ATP11A: variants seen among roughly 807,000 people sequenced by gnomAD.
ATP11A encodes the protein ATPase phospholipid transporting 11A, also known as phospholipid-transporting ATPase IH.
Under a neutral mutation model 154.4 loss-of-function variants are expected in ATP11A, and 81 were observed. The ratio of observed to expected loss-of-function variants is 0.52; its 90% CI spans 0.44 to 0.63. ATP11A has a LOEUF of 0.63. Among genes scored for constraint, ATP11A ranks in the 30% least tolerant of loss-of-function variants. The probability of loss-of-function intolerance (pLI) is 0.00; values close to 1 mark genes in which losing one functional copy is unlikely to be tolerated. For missense variants in ATP11A, 1,316 were observed against 1,474.3 expected (o/e 0.89, Z 1.76); for synonymous variants, 623 against 585.9 (o/e 1.06, Z -0.91).
intron 1 of ATP11A, among the ~76,000 whole-genome samples, chr13:112,773,443 C>T (rs191760043): frequency 8.3e-4 from 127 of 152,344 alleles, no homozygotes; most frequent in African/African-American, 2.7e-3. Context: ...CTTGCTTTCC[C>T]GAGCTGTACG....
intron 29 of ATP11A, 100 bp from the exon 30 acceptor site, chr13:112,881,776 G>T: frequency 7.4e-7 from 1 of 1,358,458 alleles, no homozygotes; most frequent in Non-Finnish European, 9.8e-7. Context: ...AGCCCCGTGG[G>T]TATCCCTGAG....
chr13:112,739,668 C>T (rs894361007), intron 1 of ATP11A, among the ~76,000 whole-genome samples: 1 of 152,270 alleles, frequency 6.6e-6, no homozygotes, highest in Non-Finnish European at 1.5e-5. Flanking sequence ...AACTTTCACA[C>T]AGATGTTCTT....
chr13:112,749,050 C>G (rs2076626784), intron 1 of ATP11A, among the ~76,000 whole-genome samples: 1 of 152,234 alleles, frequency 6.6e-6, no homozygotes, highest in Non-Finnish European at 1.5e-5. Context: ...GCTGGAGTGA[C>G]CTACAGAGCC....
chr13:112,812,340 C>CT (rs1406963501), intron 5 of ATP11A, among the ~76,000 whole-genome samples: 3 of 152,218 alleles, frequency 2.0e-5, no homozygotes, highest in African/African-American at 7.2e-5. Context: ...CTCGTGCACC[C>CT]TGCCTGGCTC....
At chr13:112,724,473 C>T (rs919659111) in intron 1 of ATP11A, among the ~76,000 whole-genome samples, 1 of 145,552 alleles carries the variant, frequency 6.9e-6, no homozygotes, top group African/African-American at 2.8e-5. Context: ...GCCCCCTGTC[C>T]CCGTGGAGCT....
In ATP11A at chr13:112,882,133, G is replaced by C; in HGVS notation, c.*267G>C. 2 of 1,327,490 alleles carry C rather than the reference G, an allele frequency of 1.5e-6. No homozygotes were observed. Among genetic ancestry groups the C allele is most frequent in the Non-Finnish European group, 2.0e-6 (2 of 1,002,696 alleles). The allele number at this position is 1,327,490 out of a possible 1,614,324, so 82.2% of individuals were successfully genotyped here. On this transcript the variant is annotated 3_prime_UTR_variant, in exon 30 of 30. Transcript: ENST00000375645. This position sits in a 1 kb window ranked among gnomAD's most constrained non-coding sequence, Gnocchi z 5.1. ...TGGCCCCCAGCAGGCAAGGAGGGGGGTCACAGGCCTTGCCCTCGAGCATGG... is the reference window on the plus strand; with the variant it reads ...TGGCCCCCAGCAGGCAAGGAGGGGGCTCACAGGCCTTGCCCTCGAGCATGG...
chr13:112,714,384 T>C (rs934717328), intron 1 of ATP11A, among the ~76,000 whole-genome samples: 4 of 152,140 alleles, frequency 2.6e-5, no homozygotes, highest in Non-Finnish European at 4.4e-5. Flanking sequence ...GGGAAATGTT[T>C]ACGGTGACTT....
At chr13:112,805,178 A>AT (rs2078287180) in intron 3 of ATP11A, 132 bp downstream of exon 3, 3 of 611,914 alleles carry the variant, frequency 4.9e-6, no homozygotes, top group Non-Finnish European at 7.9e-6. Flanking sequence ...TAATTTATTT[A>AT]TTTTCTTAAG....
At chr13:112,816,572 C>T (rs1025237478) in intron 6 of ATP11A, among the ~76,000 whole-genome samples, 5 of 152,286 alleles carry the variant, frequency 3.3e-5, no homozygotes, top group African/African-American at 7.2e-5. Flanking sequence ...CTACTCGATG[C>T]GGCAAAACCC....
At chr13:112,765,151 TC>T (rs5806961) in intron 1 of ATP11A, among the ~76,000 whole-genome samples, 88,123 of 125,976 alleles carry the variant, frequency 0.7, 27,124 homozygotes, top group Middle Eastern at 0.91. Context: ...TTGCCCCCCC[TC>T]CCCCCCGCCC....
chr13:112,787,893 T>C (rs1353035317), intron 2 of ATP11A, among the ~76,000 whole-genome samples: 2 of 148,466 alleles, frequency 1.3e-5, no homozygotes, highest in South Asian at 2.2e-4. Context: ...TTCACACCAG[T>C]GTCCTCATGT....
chr13:112,753,495 C>T lies in ATP11A; in HGVS notation c.40-31640C>T, dbSNP rs1223223560. On this transcript the variant is annotated intron_variant, in intron 1 of 29. Coordinates refer to ENST00000375645, the MANE Select transcript of ATP11A (RefSeq NM_015205.3). This position sits in a 1 kb window ranked among gnomAD's most constrained non-coding sequence, Gnocchi z 4.1. The stretch of plus-strand genomic sequence containing the variant: ...CAGCTTCTGGGCCTGCCTACCGCTG[C>T]TGGATGAGATGCCACGTCCTGTTGT... Among the ~76,000 whole-genome samples the T allele has an allele frequency of 6.6e-6, 1 of 152,236 alleles. No individual in the cohort carries two copies. Among genetic ancestry groups the T allele is most frequent in the East Asian group, 1.9e-4 (1 of 5,200 alleles).
chr13:112,879,629 C>A (rs967204778), intron 29 of ATP11A, among the ~76,000 whole-genome samples: 2 of 152,220 alleles, frequency 1.3e-5, no homozygotes, highest in Non-Finnish European at 2.9e-5. Flanking sequence ...AGGCCTTGGG[C>A]CCCGGCATGA....
rs559475903 is a variant in ATP11A, at chr13:112,838,401, GTCGAA to G, written c.1705+2153_1705+2157del. 6.0e-4 allele frequency among the ~76,000 whole-genome samples: 92 copies of G among 152,174 alleles called. No individual in the cohort carries two copies. Among genetic ancestry groups the G allele is most frequent in the African/African-American group, 2.2e-3 (90 of 41,506 alleles). On this transcript the variant is annotated intron_variant, in intron 16 of 29. Transcript: ENST00000375645. The surrounding 1 kb of genome is among the most constrained non-coding windows in gnomAD (Gnocchi z 7.3). ...GACTCACGTGGTTTTCCCCGTAGCA[GTCGAA>G]TCTAGCTGTTGAGCCGTGGCTGGAA...
intron 1 of ATP11A, among the ~76,000 whole-genome samples, chr13:112,768,146 G>T (rs527805700): frequency 6.6e-6 from 1 of 152,208 alleles, no homozygotes; most frequent in Non-Finnish European, 1.5e-5. Context: ...CCTCATAGCC[G>T]TTCTTTTATT....
chr13:112,706,888 T>C (rs955883910), intron 1 of ATP11A, among the ~76,000 whole-genome samples: 2 of 152,268 alleles, frequency 1.3e-5, no homozygotes, highest in African/African-American at 4.8e-5. Flanking sequence ...CCACACATCA[T>C]TTTAATGTGA....
chr13:112,836,345 G>A, intron 16 of ATP11A, 94 bp downstream of exon 16: 4 of 679,472 alleles, frequency 5.9e-6, no homozygotes, highest in Non-Finnish European at 9.7e-6. Flanking sequence ...AAGGATTTAG[G>A]GTTTAAGAAT....
chr13:112,698,294 C>G (rs554041196), intron 1 of ATP11A, among the ~76,000 whole-genome samples: 1 of 152,140 alleles, frequency 6.6e-6, no homozygotes, highest in African/African-American at 2.4e-5. Context: ...ACTGCTGCGT[C>G]GAAGCCTGAG....
intron 28 of ATP11A, among the ~76,000 whole-genome samples, chr13:112,877,248 C>T (rs1298559650): frequency 2.0e-5 from 3 of 152,184 alleles, no homozygotes; most frequent in Non-Finnish European, 4.4e-5. Context: ...CTGGCTGAGA[C>T]TCCGCGGCCC....
Sources: allele counts gnomAD v4.1 joint callset (sites outside exome capture counted in the v4.1 genomes callset), GRCh38; gene constraint gnomAD v4.1.1; non-coding constraint Gnocchi (gnomAD v3.1); transcripts MANE v1.5; gene names NCBI Gene and HGNC (gene_info 2026-07-23, HGNC 2026-07-21).